ITGA11: variants seen among roughly 807,000 people sequenced by gnomAD.
ITGA11 encodes integrin subunit alpha 11.
ITGA11 carries 97 observed loss-of-function variants against 141.9 expected under a neutral mutation model. The ratio of observed to expected loss-of-function variants is 0.68; its 90% CI spans 0.58 to 0.81. The LOEUF is 0.81. Among genes scored for constraint, ITGA11 ranks in the 30% least tolerant of loss-of-function variants. The pLI is 0.00. For missense variants in ITGA11, 1,387 were observed against 1,559.2 expected (o/e 0.89, Z 1.86); for synonymous variants, 658 against 624.6 (o/e 1.05, Z -0.80).
rs535519663 is a variant in ITGA11 at position 68,339,728 on chromosome 15, C to T, written c.1132-84G>A. 51 of 1,526,580 alleles carry T rather than the reference C, an allele frequency of 3.3e-5. No homozygotes were observed. In the East Asian group the frequency reaches 5.0e-4, roughly 15 times the overall value. The allele number at this position is 1,526,580 out of a possible 1,614,324, so 94.6% of individuals were successfully genotyped here. On this transcript the variant is annotated intron_variant, in intron 10 of 29. Coordinates refer to ENST00000315757, the MANE Select transcript of ITGA11 (RefSeq NM_001004439.2). ...CCACATCAGGTCCTATGACCAGTGACGCCTCCACCAGCCACCTCGGGCACC... is the reference window on the plus strand; with the variant it reads ...CCACATCAGGTCCTATGACCAGTGATGCCTCCACCAGCCACCTCGGGCACC...
intron 5 of ITGA11, among the ~76,000 whole-genome samples, chr15:68,360,732 G>A (rs1218587589): frequency 6.6e-6 from 1 of 152,170 alleles, no homozygotes; most frequent in Non-Finnish European, 1.5e-5. Context: ...CTCCTCCTGT[G>A]CCCTGGCTCT....
chr15:68,308,342 T>G lies in ITGA11; in HGVS notation c.3175-646A>C, dbSNP rs1355615056. ...GCAAAAACAAACATCAAATTTATGG[T>G]GAAACTTGAGTGAAAGAACAGTGAA... On this transcript the variant is annotated intron_variant, in intron 26 of 29. Coordinates refer to ENST00000315757, the MANE Select transcript of ITGA11 (RefSeq NM_001004439.2). This position sits in a 1 kb window ranked among gnomAD's most constrained non-coding sequence, Gnocchi z 5.2. Among the ~76,000 whole-genome samples the G allele has an allele frequency of 1.3e-5, 2 of 152,194 alleles. No individual in the cohort carries two copies. Among genetic ancestry groups the G allele is most frequent in the Non-Finnish European group, 2.9e-5 (2 of 68,048 alleles).
chr15:68,375,508 G>T (rs777122017), intron 2 of ITGA11, among the ~76,000 whole-genome samples: 3 of 152,168 alleles, frequency 2.0e-5, no homozygotes, highest in Admixed American at 6.5e-5. Context: ...CCCTGGCTGG[G>T]GGTTGGGTGT....
chr15:68,432,083 G>A lies in ITGA11; in HGVS notation c.-17C>T. On this transcript the variant is annotated 5_prime_UTR_variant, in exon 1 of 30. Coordinates refer to ENST00000315757, the MANE Select transcript of ITGA11 (RefSeq NM_001004439.2). ...CAGGTCCATGGCCCGCGGCACGGCG[G>A]CTGGGTCCGGTGTGCAGCGGCGGCG... 1 of 1,366,830 alleles carries A rather than the reference G, an allele frequency of 7.3e-7. No individual in the cohort carries two copies. The highest frequency in any genetic ancestry group is 9.4e-7 in the Non-Finnish European group (1 of 1,062,618). 84.7% of individuals were successfully genotyped at this position (1,366,830 alleles called of 1,614,324 possible). A position where few individuals can be genotyped will look rare whatever the true frequency, so the allele number is the denominator to read the frequency against.
rs961941356 is a variant in ITGA11, at chr15:68,331,130, G to A, written c.1771-19C>T. The A allele has an allele frequency of 6.3e-7, 1 of 1,575,804 alleles. No individual in the cohort carries two copies. Among genetic ancestry groups the A allele is most frequent in the Non-Finnish European group, 8.6e-7 (1 of 1,161,372 alleles). ...TGATTCTCTGCAGGGCGCGGGAAGA[G>A]AGGGGGAGGGCATGCACACTGTGAG... On this transcript the variant is annotated intron_variant, in intron 14 of 29. Coordinates refer to ENST00000315757, the MANE Select transcript of ITGA11 (RefSeq NM_001004439.2).
Position 68,328,415 on chromosome 15 carries a change from AG to A in ITGA11, c.1902-154del, listed in dbSNP as rs1894053006. Among the ~76,000 whole-genome samples the A allele has an allele frequency of 7.1e-6, 1 of 141,490 alleles. No homozygotes were observed. The allele number at this position is 141,490 out of a possible 152,430, so 92.8% of individuals were successfully genotyped here. ...ATGGAGGGGGCGAGGTGGAGGATGGAGGGGGCTTCGGATGTCAAAGGACTGG... is the reference window on the plus strand; with the variant it reads ...ATGGAGGGGGCGAGGTGGAGGATGGAGGGGCTTCGGATGTCAAAGGACTGG... On this transcript the variant is annotated intron_variant, in intron 15 of 29. Coordinates refer to ENST00000315757, the MANE Select transcript of ITGA11 (RefSeq NM_001004439.2). The surrounding 1 kb of genome is among the most constrained non-coding windows in gnomAD (Gnocchi z 4.8).
Position 68,303,849 on chromosome 15 carries a change from C to T in ITGA11, c.3418G>A (p.Val1140Ile), listed in dbSNP as rs547940090. 6.2e-7 allele frequency: 1 copy of T among 1,613,020 alleles called. No homozygotes were observed. Among genetic ancestry groups the T allele is most frequent in the Non-Finnish European group, 8.5e-7 (1 of 1,179,318 alleles). ...FEISKQEDWQ[V>I]PIWIIVGSTL... ...CTGCCTACAATGATCCAGATGGGGA[C>T]CTGCCAGTCCTCTTGCTTGGAGATC... The change falls in exon 29 of 30, where the codon GTC (valine) becomes ATC (isoleucine). Residue 1140 changes from valine to isoleucine, a missense_variant. Transcript: ENST00000315757. The surrounding 1 kb of genome is among the most constrained non-coding windows in gnomAD (Gnocchi z 5.3).
chr15:68,412,462 A>G (rs1566942731), intron 1 of ITGA11, among the ~76,000 whole-genome samples: 1 of 152,034 alleles, frequency 6.6e-6, no homozygotes. Context: ...ACGCAGACCC[A>G]CAGCCAGCCA....
chr15:68,414,138 A>C (rs1278920869), intron 1 of ITGA11, among the ~76,000 whole-genome samples: 1 of 152,194 alleles, frequency 6.6e-6, no homozygotes, highest in Non-Finnish European at 1.5e-5. Flanking sequence ...TGAAACCTCG[A>C]TGAGGAGACT....
chr15:68,308,538 G>A lies in ITGA11; in HGVS notation c.3175-842C>T, dbSNP rs1389974864. ...AGGCGGATCACAAGGTCAGGAGATC[G>A]AGACCATCCTGGCTAACACAGTGAA... On this transcript the variant is annotated intron_variant, in intron 26 of 29. Coordinates refer to ENST00000315757, the MANE Select transcript of ITGA11 (RefSeq NM_001004439.2). The surrounding 1 kb of genome is among the most constrained non-coding windows in gnomAD (Gnocchi z 5.2). Among the ~76,000 whole-genome samples, 8 of 152,214 alleles carry A rather than the reference G, an allele frequency of 5.3e-5. No homozygotes were observed. The highest frequency in any genetic ancestry group is 1.4e-4 in the African/African-American group (6 of 41,540).
intron 20 of ITGA11, among the ~76,000 whole-genome samples, chr15:68,319,756 C>T (rs528839057): frequency 1.3e-5 from 2 of 152,214 alleles, no homozygotes; most frequent in East Asian, 1.9e-4. Context: ...AAGGGTATTC[C>T]TCCCTGTGTT....
In ITGA11 at chr15:68,395,055, G is replaced by T. The variant is rs143125345; in HGVS notation, c.164+7863C>A. Among the ~76,000 whole-genome samples, 3 of 152,232 alleles carry T rather than the reference G, an allele frequency of 2.0e-5. No individual in the cohort carries two copies. The East Asian group carries it at 5.8e-4, about 29-fold the overall frequency. On this transcript the variant is annotated intron_variant, in intron 2 of 29. Coordinates refer to ENST00000315757, the MANE Select transcript of ITGA11 (RefSeq NM_001004439.2). ...AAACAGGGTCTGGAGTGGACCTCCT[G>T]CAAACTCCAACAGACCTGCAGCTGA...
intron 10 of ITGA11, among the ~76,000 whole-genome samples, chr15:68,347,194 A>G (rs898579): frequency 0.99 from 150,536 of 152,324 alleles, 74,400 homozygotes; most frequent in Middle Eastern, 1. Flanking sequence ...TGGCCCCCAC[A>G]TGAATGGATG....
In ITGA11 at chr15:68,299,168, A is replaced by G. The variant is rs985932461; in HGVS notation, c.*3891T>C. Reference sequence around the variant, plus strand: ...GTTTGCTAGGTACGGCTTAGCATACATCTTATTGAAAAGTTTTAGTGTCCA... The same window carrying G: ...GTTTGCTAGGTACGGCTTAGCATACGTCTTATTGAAAAGTTTTAGTGTCCA... On this transcript the variant is annotated 3_prime_UTR_variant, in exon 30 of 30. Coordinates refer to ENST00000315757, the MANE Select transcript of ITGA11 (RefSeq NM_001004439.2). The G allele has an allele frequency of 1.1e-4, 16 of 152,218 alleles. No homozygotes were observed. The highest frequency in any genetic ancestry group is 5.9e-5 in the Non-Finnish European group (4 of 68,048). The allele number at this position is 152,218 out of a possible 1,614,324, so 9.4% of individuals were successfully genotyped here.
In ITGA11 at chr15:68,365,094, C is replaced by T. The variant is rs183063810; in HGVS notation, c.266-296G>A. 3,740 of 954,200 alleles carry T rather than the reference C, an allele frequency of 3.9e-3. 13 individuals are homozygous for T. Among genetic ancestry groups the T allele is most frequent in the Non-Finnish European group, 4.4e-3 (3,512 of 801,518 alleles). 59.1% of individuals were successfully genotyped at this position (954,200 alleles called of 1,614,324 possible). ...CACAGCTTTTCCTCCTCCAGCCATC[C>T]GACTGGAGCCCCACTTCCCCGTGTG... On this transcript the variant is annotated intron_variant, in intron 3 of 29. Coordinates refer to ENST00000315757, the MANE Select transcript of ITGA11 (RefSeq NM_001004439.2).
chr15:68,381,283 A>G (rs60555740), intron 2 of ITGA11, among the ~76,000 whole-genome samples: 294 of 152,308 alleles, frequency 1.9e-3, no homozygotes, highest in Middle Eastern at 6.8e-3. Context: ...TTTTGTGGCC[A>G]GCTTTGGGAA....
At chr15:68,342,149 G>A (rs56253401) in intron 10 of ITGA11, among the ~76,000 whole-genome samples, 23,013 of 152,140 alleles carry the variant, frequency 0.15, 1,957 homozygotes, top group Non-Finnish European at 0.19. Flanking sequence ...AATCTAGAAG[G>A]GTGGGGCAAA....
At chr15:68,400,715 T>A (rs1271295414) in intron 2 of ITGA11, among the ~76,000 whole-genome samples, 2 of 22,026 alleles carry the variant, frequency 9.1e-5, no homozygotes, top group Non-Finnish European at 1.3e-4. Context: ...ATAAATATTA[T>A]ATATTATATA....
intron 2 of ITGA11, among the ~76,000 whole-genome samples, chr15:68,373,860 GAGA>G (rs1209460555): frequency 1.3e-5 from 2 of 152,296 alleles, no homozygotes; most frequent in African/African-American, 4.8e-5. Flanking sequence ...GAAGCATGAA[GAGA>G]AGGAGCTGAA....
Sources: allele counts gnomAD v4.1 joint callset (sites outside exome capture counted in the v4.1 genomes callset), GRCh38; gene constraint gnomAD v4.1.1; non-coding constraint Gnocchi (gnomAD v3.1); transcripts MANE v1.5; gene names NCBI Gene and HGNC (gene_info 2026-07-23, HGNC 2026-07-21).